The following SAMMSON variants were observed in gnomAD, a reference collection of about 807,000 sequenced individuals.
SAMMSON encodes the protein survival associated mitochondrial melanoma specific oncogenic non-coding RNA.
intron 4 of SAMMSON, among the ~76,000 whole-genome samples, chr3:70,137,333 G>A (rs771582663): frequency 1.3e-5 from 2 of 152,134 alleles, no homozygotes; most frequent in Admixed American, 6.6e-5. Flanking sequence ...TATGACTTAT[G>A]GGCCAAATTT....
At chr3:70,396,412 C>A (rs1333877613) in intron 2 of SAMMSON, among the ~76,000 whole-genome samples, 1 of 152,074 alleles carries the variant, frequency 6.6e-6, no homozygotes, top group Non-Finnish European at 1.5e-5. Context: ...GCCTAATGTC[C>A]TGTGATTATT....
At chr3:70,358,438 G>C (rs1328991250) in intron 9 of SAMMSON, 3 of 152,120 alleles carry the variant, frequency 2.0e-5, no homozygotes, top group Non-Finnish European at 2.9e-5. Flanking sequence ...CCAGCATATG[G>C]CACGGTATAA....
intron 4 of SAMMSON, among the ~76,000 whole-genome samples, chr3:70,221,202 A>G (rs1171981917): frequency 6.6e-6 from 1 of 152,176 alleles, no homozygotes; most frequent in Non-Finnish European, 1.5e-5. Context: ...ATACCCATTC[A>G]TCCATTCATT....
In SAMMSON at chr3:70,158,740, A is replaced by AC. The variant is rs564780340; in HGVS notation, n.507+87175_507+87176insC. Among the ~76,000 whole-genome samples the AC allele has an allele frequency of 5.6e-3, 858 of 152,104 alleles. 4 individuals are homozygous for AC. Among genetic ancestry groups the AC allele is most frequent in the Non-Finnish European group, 8.0e-3 (546 of 67,948 alleles). The stretch of plus-strand genomic sequence containing the variant: ...GGAGATGGTTGAAAAGTTTATTTTT[A>AC]AAAAAACAGACTTTAGAGTTAAATC... On this transcript the variant is annotated intron_variant and non_coding_transcript_variant, in intron 4 of 9. Transcript: ENST00000642114.
intron 6 of SAMMSON, among the ~76,000 whole-genome samples, chr3:70,285,510 A>G (rs1272347999): frequency 1.3e-5 from 2 of 152,050 alleles, no homozygotes; most frequent in Non-Finnish European, 2.9e-5. Context: ...TAATGCCGCA[A>G]TAAAAATACG....
At chr3:70,346,642 G>C (rs1235960171) in intron 7 of SAMMSON, among the ~76,000 whole-genome samples, 1 of 152,052 alleles carries the variant, frequency 6.6e-6, no homozygotes, top group Non-Finnish European at 1.5e-5. Flanking sequence ...AAAGCTTAGG[G>C]AAGATGTTCT....
intron 4 of SAMMSON, among the ~76,000 whole-genome samples, chr3:70,080,850 C>G (rs2067265340): frequency 1.3e-5 from 2 of 152,104 alleles, no homozygotes; most frequent in African/African-American, 4.8e-5. Context: ...AAAGATCCAG[C>G]TGATAACCTT....
intron 4 of SAMMSON, among the ~76,000 whole-genome samples, chr3:70,091,814 T>C (rs1392845916): frequency 1.3e-5 from 2 of 152,174 alleles, no homozygotes; most frequent in Admixed American, 6.5e-5. Context: ...TCAAGAGGTA[T>C]GCACTCAAAG....
At chr3:70,083,035 A>G (rs956006187) in intron 4 of SAMMSON, among the ~76,000 whole-genome samples, 1 of 152,156 alleles carries the variant, frequency 6.6e-6, no homozygotes, top group African/African-American at 2.4e-5. Flanking sequence ...GGTCCCCAGG[A>G]AAGGGAGCAG....
At chr3:70,285,058 T>C (rs1033784328) in intron 6 of SAMMSON, among the ~76,000 whole-genome samples, 17 of 152,154 alleles carry the variant, frequency 1.1e-4, no homozygotes, top group Admixed American at 2.0e-4. Context: ...TTAACTTTTT[T>C]TTTCTTTTAT....
intron 4 of SAMMSON, among the ~76,000 whole-genome samples, chr3:70,129,896 C>A (rs2067475086): frequency 6.6e-6 from 1 of 152,084 alleles, no homozygotes. Context: ...TATATTTAAG[C>A]TGTACAACAT....
chr3:70,173,204 T>C lies in SAMMSON; in HGVS notation n.508-75903T>C, dbSNP rs1358820565. ...TCATATTAACGCATTGAGAGTTTAA[T>C]AGATTGTAATACAGGTAACTGTTTC... On this transcript the variant is annotated intron_variant and non_coding_transcript_variant, in intron 4 of 9. Coordinates refer to ENST00000642114, the Ensembl canonical transcript of SAMMSON. 2.6e-5 allele frequency among the ~76,000 whole-genome samples: 4 copies of C among 152,002 alleles called. No individual in the cohort carries two copies. In the East Asian group the frequency reaches 7.7e-4, roughly 29 times the overall value.
chr3:70,082,740 C>G (rs998413935), intron 4 of SAMMSON, among the ~76,000 whole-genome samples: 2 of 152,180 alleles, frequency 1.3e-5, no homozygotes, highest in African/African-American at 4.8e-5. Flanking sequence ...TAAAACAGGA[C>G]TGTCCATGAA....
intron 7 of SAMMSON, chr3:70,333,019 A>G (rs372246411): frequency 6.6e-5 from 10 of 152,308 alleles, no homozygotes; most frequent in African/African-American, 2.2e-4. Flanking sequence ...CTTAAAAGCC[A>G]TTTTTATTCT....
At chr3:70,174,041 A>G (rs559307531) in intron 4 of SAMMSON, among the ~76,000 whole-genome samples, 3 of 152,042 alleles carry the variant, frequency 2.0e-5, no homozygotes, top group African/African-American at 7.2e-5. Context: ...CTCCTAAATT[A>G]CATCCTCCCT....
intron 7 of SAMMSON, among the ~76,000 whole-genome samples, chr3:70,352,150 G>T (rs1702799288): frequency 6.7e-6 from 1 of 149,628 alleles, no homozygotes; most frequent in Non-Finnish European, 1.5e-5. Context: ...CGTTCAAGAA[G>T]CTAAGCAAAC....
chr3:70,409,857 A>G (rs1178329394), intron 2 of SAMMSON, among the ~76,000 whole-genome samples: 3 of 152,178 alleles, frequency 2.0e-5, no homozygotes, highest in Non-Finnish European at 4.4e-5. Context: ...GAAGGGGTAC[A>G]TGTCCCGCTT....
intron 6 of SAMMSON, among the ~76,000 whole-genome samples, chr3:70,277,146 A>G (rs1702035163): frequency 6.6e-6 from 1 of 152,190 alleles, no homozygotes; most frequent in South Asian, 2.1e-4. Flanking sequence ...CGGCAGTTTT[A>G]TCAAACTTTC....
intron 4 of SAMMSON, chr3:70,120,358 C>A (rs2067427902): frequency 6.6e-6 from 1 of 152,154 alleles, no homozygotes. Flanking sequence ...TCTGAGAGAA[C>A]CCCAAATTAG....
Sources: gnomAD v4.1 joint callset for allele counts (sites outside exome capture counted in the v4.1 genomes callset) on GRCh38, gnomAD v4.1.1 for gene constraint, MANE v1.5 for transcripts, NCBI Gene and HGNC (gene_info 2026-07-23, HGNC 2026-07-21) for gene names.